POU2F1: variants seen among roughly 807,000 people sequenced by gnomAD.
POU2F1 encodes the protein POU domain, class 2, transcription factor 1.
In POU2F1, 16 loss-of-function variants were observed where a neutral mutation model predicts 84.9. That is an observed-to-expected ratio of 0.19 (90% CI 0.13 to 0.29). The LOEUF (loss-of-function observed/expected upper bound fraction) is 0.29, where lower values mean the gene tolerates loss of function less well. Among genes scored for constraint, POU2F1 ranks in the 10% least tolerant of loss-of-function variants. The probability of loss-of-function intolerance (pLI) is 1.00; values close to 1 mark genes in which losing one functional copy is unlikely to be tolerated. For missense variants in POU2F1, 738 were observed against 942.6 expected, an observed-to-expected ratio of 0.78 and a Z score of 2.84; for synonymous variants, 368 against 368.3, an observed-to-expected ratio of 1.00 and a Z score of 0.01.
intron 1 of POU2F1, among the ~76,000 whole-genome samples, chr1:167,241,167 T>A (rs772956083): frequency 1.3e-5 from 2 of 151,954 alleles, no homozygotes; most frequent in Non-Finnish European, 2.9e-5. Context: ...AATAAATAAA[T>A]AGTCTGAAAA....
At chr1:167,393,504 T>G (rs924312017) in intron 9 of POU2F1, among the ~76,000 whole-genome samples, 10 of 152,190 alleles carry the variant, frequency 6.6e-5, no homozygotes, top group African/African-American at 2.4e-4. Context: ...ACTTATTTAT[T>G]TATTTTTTTT....
At chr1:167,255,235 G>A (rs573682429) in intron 1 of POU2F1, among the ~76,000 whole-genome samples, 42 of 152,132 alleles carry the variant, frequency 2.8e-4, no homozygotes, top group Non-Finnish European at 4.6e-4. Flanking sequence ...GGTATAGTGT[G>A]GGCACAAAGC....
chr1:167,316,720 G>A (rs1369303743), intron 1 of POU2F1, among the ~76,000 whole-genome samples: 1 of 152,088 alleles, frequency 6.6e-6, no homozygotes, highest in Admixed American at 6.6e-5. Context: ...CAGATAAAGA[G>A]AGAAAACATA....
At chr1:167,331,132 T>C (rs545261307) in intron 1 of POU2F1, among the ~76,000 whole-genome samples, 3 of 152,196 alleles carry the variant, frequency 2.0e-5, no homozygotes, top group South Asian at 4.1e-4. Context: ...CACAAACATA[T>C]GAATTTTAAC....
At chr1:167,240,737 G>A (rs1384525758) in intron 1 of POU2F1, among the ~76,000 whole-genome samples, 2 of 152,174 alleles carry the variant, frequency 1.3e-5, no homozygotes, top group South Asian at 2.1e-4. Context: ...ACCTTTTACA[G>A]TTGGTTTGAA....
intron 6 of POU2F1, 129 bp downstream of exon 6, chr1:167,374,425 GGTAAGCGGTACCCTTC>G (rs756777615): frequency 2.6e-5 from 21 of 804,704 alleles, no homozygotes; most frequent in Non-Finnish European, 2.7e-5. Context: ...AGATCAGTGA[GGTAAGCGGTACCCTTC>G]CTTACCACTG....
At chr1:167,366,921 A>G (rs1328638476) in intron 3 of POU2F1, among the ~76,000 whole-genome samples, 1 of 152,106 alleles carries the variant, frequency 6.6e-6, no homozygotes, top group African/African-American at 2.4e-5. Flanking sequence ...TGATGGTCCA[A>G]ATGTATTAAA....
chr1:167,357,476 G>GT (rs1340414404), intron 2 of POU2F1: 1 of 148,814 alleles, frequency 6.7e-6, no homozygotes, highest in Non-Finnish European at 1.5e-5. Flanking sequence ...AACCTTCTGG[G>GT]TTCAAGCAGT....
chr1:167,326,911 C>G (rs909860922), intron 1 of POU2F1, among the ~76,000 whole-genome samples: 2 of 152,162 alleles, frequency 1.3e-5, no homozygotes, highest in Non-Finnish European at 2.9e-5. Flanking sequence ...TGGTAAGTTG[C>G]AGAAATATCC....
At chr1:167,343,987 T>C (rs1658034141) in intron 2 of POU2F1, among the ~76,000 whole-genome samples, 1 of 152,072 alleles carries the variant, frequency 6.6e-6, no homozygotes, top group Admixed American at 6.6e-5. Context: ...GGAGCTCTTC[T>C]AAGGTGTTGA....
At chr1:167,376,182 T>C in intron 7 of POU2F1, 27 bp downstream of exon 7, 1 of 1,612,470 alleles carries the variant, frequency 6.2e-7, no homozygotes. Flanking sequence ...AGCTTATTAG[T>C]GGTATACCAA....
At chr1:167,323,402 G>A (rs934806197) in intron 1 of POU2F1, among the ~76,000 whole-genome samples, 1 of 152,174 alleles carries the variant, frequency 6.6e-6, no homozygotes, top group Non-Finnish European at 1.5e-5. Context: ...GATGAGCTAT[G>A]TATATAGCTG....
At chr1:167,382,854 A>C (rs1647665897) in intron 7 of POU2F1, among the ~76,000 whole-genome samples, 1 of 152,108 alleles carries the variant, frequency 6.6e-6, no homozygotes, top group Non-Finnish European at 1.5e-5. Context: ...TGATAGCTTA[A>C]ATTTAGGCAG....
intron 2 of POU2F1, among the ~76,000 whole-genome samples, chr1:167,351,124 G>A (rs1658530636): frequency 6.6e-6 from 1 of 152,094 alleles, no homozygotes; most frequent in African/African-American, 2.4e-5. Flanking sequence ...AGGCTGAGGT[G>A]GGTGGATCAC....
At chr1:167,325,701 C>G (rs1460036314) in intron 1 of POU2F1, among the ~76,000 whole-genome samples, 2 of 151,970 alleles carry the variant, frequency 1.3e-5, no homozygotes, top group Non-Finnish European at 2.9e-5. Context: ...ACCAGCCTGG[C>G]CAACATGGTG....
Position 167,278,790 on chromosome 1 carries a change from CATTT to C in POU2F1, c.62-53679_62-53676del, listed in dbSNP as rs1232086200. Among the ~76,000 whole-genome samples, 12 of 69,480 alleles carry C rather than the reference CATTT, an allele frequency of 1.7e-4. No homozygotes were observed. In the Admixed American group the frequency reaches 1.9e-3, roughly 11 times the overall value. The allele number at this position is 69,480 out of a possible 152,430, so 45.6% of individuals were successfully genotyped here. ...GCAAACTTTAATTGGCTATCCCCTT[CATTT>C]GTTTTTCTATTTTAATAGAATTTAA... On this transcript the variant is annotated intron_variant, in intron 1 of 15. Transcript: ENST00000367866.
intron 1 of POU2F1, among the ~76,000 whole-genome samples, chr1:167,296,873 T>C (rs1423600653): frequency 1.3e-5 from 2 of 152,196 alleles, no homozygotes; most frequent in East Asian, 3.8e-4. Flanking sequence ...ACTTGTATCA[T>C]GAAGGCTGAT....
At chr1:167,349,009 A>T (rs1001755459) in intron 2 of POU2F1, among the ~76,000 whole-genome samples, 1 of 152,030 alleles carries the variant, frequency 6.6e-6, no homozygotes, top group Non-Finnish European at 1.5e-5. Flanking sequence ...CTGCCACCCA[A>T]ACCTAACTGT....
At chr1:167,405,900 C>T (rs1436606630) in intron 13 of POU2F1, among the ~76,000 whole-genome samples, 1 of 152,174 alleles carries the variant, frequency 6.6e-6, no homozygotes, top group African/African-American at 2.4e-5. Flanking sequence ...AGTGTGTTGT[C>T]TGATGACAAC....
Sources: allele counts gnomAD v4.1 joint callset (sites outside exome capture counted in the v4.1 genomes callset), GRCh38; gene constraint gnomAD v4.1.1; transcripts MANE v1.5; gene names NCBI Gene and HGNC (gene_info 2026-07-23, HGNC 2026-07-21).